The following ESR1 variants were observed in gnomAD, a reference collection of about 807,000 sequenced individuals.
The protein encoded by ESR1 is estrogen receptor.
Under a neutral mutation model 52.7 loss-of-function variants are expected in ESR1, and 12 were observed. That is an observed-to-expected ratio of 0.23 (90% confidence interval 0.15 to 0.37). The LOEUF (loss-of-function observed/expected upper bound fraction) is 0.37, where lower values mean the gene tolerates loss of function less well. Among genes scored for constraint, ESR1 ranks in the 10% least tolerant of loss-of-function variants. The pLI, the probability that ESR1 is intolerant of heterozygous loss-of-function variation, is 1.00. For missense variants in ESR1, 584 were observed against 779.7 expected, an observed-to-expected ratio of 0.75 and a Z score of 2.99; for synonymous variants, 305 against 316.8, an observed-to-expected ratio of 0.96 and a Z score of 0.39.
At chr6:151,923,426 C>T (rs1011752768) in intron 3 of ESR1, among the ~76,000 whole-genome samples, 7 of 152,240 alleles carry the variant, frequency 4.6e-5, no homozygotes, top group African/African-American at 7.2e-5. Context: ...TAGTTTCTAT[C>T]GCTGTAGCAT....
intron 2 of ESR1, among the ~76,000 whole-genome samples, chr6:151,779,814 C>G (rs544391457): frequency 3.8e-5 from 5 of 130,264 alleles, no homozygotes; most frequent in Non-Finnish European, 8.5e-5. Flanking sequence ...GAAAATGTGG[C>G]GCGTGAACCC....
chr6:152,060,097 G>C (rs558745728), intron 5 of ESR1, among the ~76,000 whole-genome samples: 4 of 152,028 alleles, frequency 2.6e-5, no homozygotes, highest in Non-Finnish European at 5.9e-5. Flanking sequence ...AATTCCTTTC[G>C]TGTGTAGTAT....
At chr6:151,901,443 A>G (rs1167722038) in intron 3 of ESR1, among the ~76,000 whole-genome samples, 1 of 152,036 alleles carries the variant, frequency 6.6e-6, no homozygotes, top group Non-Finnish European at 1.5e-5. Context: ...CCCTCCCCCA[A>G]GTTCTGGCCA....
chr6:151,950,419 T>C (rs956647013), intron 4 of ESR1, among the ~76,000 whole-genome samples: 1 of 152,184 alleles, frequency 6.6e-6, no homozygotes, highest in African/African-American at 2.4e-5. Context: ...AAGTGTGTTA[T>C]GGGCTGAGTT....
upstream of ESR1, among the ~76,000 whole-genome samples, chr6:151,688,921 T>G (rs924672505): frequency 6.6e-6 from 1 of 152,226 alleles, no homozygotes; most frequent in Non-Finnish European, 1.5e-5. Flanking sequence ...TTTATTCTCT[T>G]GCACTCAAGA....
rs1274030772 is a variant in ESR1 at position 151,956,859 on chromosome 6, T to TAAAC, written c.1096+12352_1096+12353insAACA. Among the ~76,000 whole-genome samples, 59 of 83,828 alleles carry TAAAC rather than the reference T, an allele frequency of 7.0e-4. No individual in the cohort carries two copies. In the East Asian group the frequency reaches 0.011, roughly 16 times the overall value. The allele number at this position is 83,828 out of a possible 152,430, so 55.0% of individuals were successfully genotyped here. On this transcript the variant is annotated intron_variant, in intron 4 of 7. Transcript: ENST00000206249. ...ATATAAATAAATATATATATATATA[T>TAAAC]ATAAATATATATATATATATAAAAT... is the stretch of plus-strand genomic sequence containing the variant.
At chr6:151,996,125 C>T (rs568199936) in intron 4 of ESR1, among the ~76,000 whole-genome samples, 1 of 152,240 alleles carries the variant, frequency 6.6e-6, no homozygotes, top group East Asian at 1.9e-4. Context: ...TTTTGATAAA[C>T]AGTGCATTTT....
chr6:151,997,211 T>C (rs1584728015), intron 4 of ESR1, among the ~76,000 whole-genome samples: 1 of 152,172 alleles, frequency 6.6e-6, no homozygotes, highest in Admixed American at 6.6e-5. Flanking sequence ...GAAGTCAGTA[T>C]TGGCATATGT....
At chr6:151,783,423 A>G (rs1786735346) in intron 2 of ESR1, among the ~76,000 whole-genome samples, 1 of 152,254 alleles carries the variant, frequency 6.6e-6, no homozygotes, top group Non-Finnish European at 1.5e-5. Context: ...TCACTGCTAC[A>G]GGCACTTCAT....
At chr6:152,083,206 T>C (rs1030192878) in intron 6 of ESR1, among the ~76,000 whole-genome samples, 1 of 152,172 alleles carries the variant, frequency 6.6e-6, no homozygotes, top group Non-Finnish European at 1.5e-5. Flanking sequence ...GCTACCTGAC[T>C]TCAAACCATA....
intron 4 of ESR1, among the ~76,000 whole-genome samples, chr6:151,981,630 C>T (rs561101714): frequency 7.9e-5 from 12 of 152,252 alleles, no homozygotes; most frequent in Non-Finnish European, 1.2e-4. Context: ...TTGAGAAATA[C>T]GTGTAGGATG....
intron 1 of ESR1, among the ~76,000 whole-genome samples, 161 bp downstream of exon 1, chr6:151,808,525 T>G (rs1454688544): frequency 1.3e-5 from 2 of 151,444 alleles, no homozygotes; most frequent in African/African-American, 4.9e-5. Flanking sequence ...AGCCCGGGGG[T>G]TCTGCGTGCA....
chr6:152,011,120 C>T (rs2042729823), intron 4 of ESR1, among the ~76,000 whole-genome samples: 1 of 151,962 alleles, frequency 6.6e-6, no homozygotes, highest in Admixed American at 6.6e-5. Context: ...CTCATTATCC[C>T]AAGTGATTTA....
intron 5 of ESR1, among the ~76,000 whole-genome samples, chr6:152,014,506 TA>T (rs2043021102): frequency 1.3e-5 from 2 of 152,060 alleles, no homozygotes; most frequent in Non-Finnish European, 2.9e-5. Flanking sequence ...ACACTCACTT[TA>T]TCTTCTGCAA....
chr6:152,039,729 G>C (rs2982722), intron 5 of ESR1, among the ~76,000 whole-genome samples: 66,780 of 151,936 alleles, frequency 0.44, 16,618 homozygotes, highest in African/African-American at 0.67. Context: ...ACAGCCTTCT[G>C]GAAAACTTTG....
At chr6:152,018,730 G>A (rs2043365745) in intron 5 of ESR1, among the ~76,000 whole-genome samples, 1 of 151,960 alleles carries the variant, frequency 6.6e-6, no homozygotes, top group South Asian at 2.1e-4. Context: ...GACTGTTTAG[G>A]CCCTGGGCCC....
intron 1 of ESR1, among the ~76,000 whole-genome samples, chr6:151,813,803 G>A (rs963340816): frequency 6.6e-6 from 1 of 152,078 alleles, no homozygotes; most frequent in Admixed American, 6.6e-5. Flanking sequence ...TTACACTTGG[G>A]AAAATTATAA....
chr6:151,873,233 C>G (rs902826554), intron 2 of ESR1, among the ~76,000 whole-genome samples: 1 of 152,178 alleles, frequency 6.6e-6, no homozygotes, highest in Non-Finnish European at 1.5e-5. Context: ...GGTTCAAAAC[C>G]CATCTGCCAC....
chr6:152,096,770 A>C (rs760126615), intron 7 of ESR1: 41 of 433,928 alleles, frequency 9.4e-5, no homozygotes, highest in Non-Finnish European at 1.4e-4. Context: ...TCTTTTGATG[A>C]GTATTATAGA....
Sources: allele counts gnomAD v4.1 joint callset (sites outside exome capture counted in the v4.1 genomes callset), GRCh38; gene constraint gnomAD v4.1.1; transcripts MANE v1.5; gene names NCBI Gene and HGNC (gene_info 2026-07-23, HGNC 2026-07-21).